Variants in OTOF observed in about 807,000 individuals in gnomAD.
OTOF encodes otoferlin, also known as fer-1-like family member 2.
Under a neutral mutation model 236.8 loss-of-function variants are expected in OTOF, and 218 were observed. The ratio of observed to expected loss-of-function variants is 0.92; its 90% confidence interval spans 0.82 to 1.03. OTOF has a LOEUF of 1.03. Among genes scored for constraint, OTOF ranks in the 50% least tolerant of loss-of-function variants. The probability of loss-of-function intolerance (pLI) is 0.00; values close to 1 mark genes in which losing one functional copy is unlikely to be tolerated. For synonymous variants in OTOF, 1,041 were observed against 1,072.5 expected, an observed-to-expected ratio of 0.97 and a Z score of 0.57; for missense variants, 2,590 against 2,694.4, an observed-to-expected ratio of 0.96 and a Z score of 0.86.
At position 26,501,765 on chromosome 2, in the gene OTOF, T is replaced by C; in HGVS notation, c.754A>G (p.Met252Val). The C allele has an allele frequency of 6.2e-7, 1 of 1,613,594 alleles. No individual in the cohort carries two copies. The highest frequency in any genetic ancestry group is 8.5e-7 in the Non-Finnish European group (1 of 1,179,514). Residue 252 changes from methionine (M) to valine (V), a missense_variant, in exon 8 of 47, where the codon ATG becomes GTG. Met to Val is a conservative substitution (Grantham distance 21). This residue lies in a region of OTOF where 1,379 missense variants were observed against 1,341.6 expected (regional missense o/e 1.03). Coordinates refer to ENST00000272371, the MANE Select transcript of OTOF (RefSeq NM_194248.3). ...IKMEPSAGRP[M>V]DYQVSITVIE... The stretch of plus-strand genomic sequence containing the variant: ...AGGTGCCCACCTACCTGGTAATCCA[T>C]GGGCCGCCCAGCACTTGGCTCCATC...
chr2:26,537,285 C>T (rs746316752), intron 2 of OTOF, among the ~76,000 whole-genome samples: 14 of 152,074 alleles, frequency 9.2e-5, no homozygotes, highest in Non-Finnish European at 1.5e-4. Flanking sequence ...CCTCAGTGCC[C>T]GGGGCTGCCC....
At chr2:26,464,827 C>G in intron 39 of OTOF, 42 bp downstream of exon 39, 1 of 1,585,158 alleles carries the variant, frequency 6.3e-7, no homozygotes, top group South Asian at 1.2e-5. Context: ...CTCTGAAACC[C>G]CCTGGAGAGG....
At chr2:26,550,747 C>T (rs987830406) in intron 1 of OTOF, among the ~76,000 whole-genome samples, 9 of 152,202 alleles carry the variant, frequency 5.9e-5, no homozygotes, top group Non-Finnish European at 4.4e-5. Flanking sequence ...CTCAGCCCTC[C>T]GCCTGCCCCG....
chr2:26,474,423 C>A (rs1457576428), intron 26 of OTOF, 90 bp downstream of exon 26: 27 of 1,082,848 alleles, frequency 2.5e-5, no homozygotes, highest in Non-Finnish European at 2.8e-5. Context: ...AGACCCCAGG[C>A]CCCAGCCTTC....
At chr2:26,558,342 A>C (rs1303839496) in intron 1 of OTOF, 151 bp downstream of exon 1, 2 of 700,630 alleles carry the variant, frequency 2.9e-6, no homozygotes, top group Non-Finnish European at 5.3e-6. Context: ...TCCCAGGCAG[A>C]TGACTACCTG....
intron 5 of OTOF, among the ~76,000 whole-genome samples, chr2:26,512,836 C>A (rs1040565460): frequency 1.3e-5 from 2 of 152,154 alleles, no homozygotes; most frequent in African/African-American, 2.4e-5. Flanking sequence ...ACATGCCAGG[C>A]ACAGGGGTGG....
chr2:26,519,561 A>G (rs1444559933), intron 3 of OTOF, among the ~76,000 whole-genome samples: 1 of 152,140 alleles, frequency 6.6e-6, no homozygotes, highest in East Asian at 1.9e-4. Flanking sequence ...TCCATTCCAC[A>G]TCTGCAGCCT....
At position 26,464,003 on chromosome 2, in the gene OTOF, C is replaced by T. The variant is rs1664607305; in HGVS notation, c.5064G>A (p.Thr1688=). The change falls in exon 40 of 47, where the codon ACG becomes ACA. Residue 1688 remains threonine, a synonymous_variant. Transcript: ENST00000272371. Reference sequence around the variant, plus strand: ...GCTTGTCGGGGTTGAGCAGCGGCCTCGTCTCCACATGCTCTGGCACCAGGC... The same window carrying T: ...GCTTGTCGGGGTTGAGCAGCGGCCTTGTCTCCACATGCTCTGGCACCAGGC... ...GCRLVPEHVE[T]RPLLNPDKPG... The T allele has an allele frequency of 2.5e-6, 4 of 1,613,806 alleles. No individual in the cohort carries two copies. The highest frequency in any genetic ancestry group is 3.4e-6 in the Non-Finnish European group (4 of 1,180,036).
intron 5 of OTOF, among the ~76,000 whole-genome samples, chr2:26,513,710 G>A (rs1387067918): frequency 6.6e-6 from 1 of 152,230 alleles, no homozygotes; most frequent in Non-Finnish European, 1.5e-5. Flanking sequence ...CTTCCCAGGA[G>A]AGGATGGAGG....
chr2:26,489,475 G>A (rs1001109075), intron 10 of OTOF, among the ~76,000 whole-genome samples, 180 bp from the exon 11 acceptor site: 3 of 152,204 alleles, frequency 2.0e-5, no homozygotes, highest in Non-Finnish European at 2.9e-5. Flanking sequence ...CACTGTTTAC[G>A]GGCGAATGCA....
chr2:26,525,379 C>A (rs748801326), intron 3 of OTOF, among the ~76,000 whole-genome samples: 3 of 152,202 alleles, frequency 2.0e-5, no homozygotes, highest in Non-Finnish European at 4.4e-5. Context: ...TCACCCTCTC[C>A]CAGTGGCAAG....
intron 8 of OTOF, among the ~76,000 whole-genome samples, chr2:26,498,393 G>A (rs564080274): frequency 6.6e-6 from 1 of 152,330 alleles, no homozygotes; most frequent in South Asian, 2.1e-4. Flanking sequence ...GTTGGGGGAA[G>A]GGGAATGCCA....
chr2:26,480,959 G>A lies in OTOF; in HGVS notation c.1630C>T (p.Arg544Cys), dbSNP rs139954767. ...TGCTCATCCAGCAGCGTGTAGTTAC[G>A]TGTGGAGCCGTACATGTTCACCCAG... ...PAWVNMYGST[R>C]NYTLLDEHQD... The change falls in exon 15 of 47, where the codon CGT (arginine) becomes TGT (cysteine). Residue 544 changes from arginine to cysteine, a missense_variant. Physicochemically the swap from Arg to Cys is radical, Grantham distance 180. Around this residue, in one of 2 missense-constraint regions of OTOF, gnomAD observed 1,379 missense variants for 1,341.6 expected, o/e 1.03. Coordinates refer to ENST00000272371, the MANE Select transcript of OTOF (RefSeq NM_194248.3). The A allele has an allele frequency of 7.5e-4, 1,206 of 1,609,512 alleles. 2 individuals are homozygous for A. Among genetic ancestry groups the A allele is most frequent in the Non-Finnish European group, 8.4e-4 (993 of 1,178,602 alleles).
At chr2:26,551,769 G>A (rs1234471219) in intron 1 of OTOF, among the ~76,000 whole-genome samples, 1 of 152,198 alleles carries the variant, frequency 6.6e-6, no homozygotes, top group South Asian at 2.1e-4. Flanking sequence ...TGACATTGAT[G>A]AGACAATTAG....
chr2:26,548,034 T>C (rs1198176061), intron 1 of OTOF, among the ~76,000 whole-genome samples: 2 of 152,220 alleles, frequency 1.3e-5, no homozygotes, highest in Non-Finnish European at 2.9e-5. Context: ...TTTCAAAAGA[T>C]TTATTCATTT....
Position 26,467,171 on chromosome 2 carries a change from G to C in OTOF, c.4290C>G (p.Asn1430Lys). The C allele has an allele frequency of 1.2e-6, 2 of 1,614,160 alleles. No homozygotes were observed. Among genetic ancestry groups the C allele is most frequent in the Non-Finnish European group, 1.7e-6 (2 of 1,180,016 alleles). ...DNFEDWLHTF[N>K]LLRGKTGDDE... ...CATCCCCGGTCTTGCCCCGAAGCAA[G>C]TTGAAAGTGTGCAGCCAGTCCTCAA... is the stretch of plus-strand genomic sequence containing the variant. The change falls in exon 35 of 47, where the codon AAC becomes AAG. Residue 1430 changes from asparagine (N) to lysine (K), a missense_variant. Asn to Lys is a moderately conservative substitution (Grantham distance 94, BLOSUM62 0). Around this residue, in one of 2 missense-constraint regions of OTOF, gnomAD observed 1,211 missense variants for 1,352.8 expected, o/e 0.90. Transcript: ENST00000272371.
rs1666184643 is a variant in OTOF at position 26,503,950 on chromosome 2, A to G, written c.510-105T>C. 2.9e-6 allele frequency: 3 copies of G among 1,020,664 alleles called. No individual in the cohort carries two copies. The Admixed American group carries it at 5.3e-5, about 18-fold the overall frequency. The allele number at this position is 1,020,664 out of a possible 1,614,324, so 63.2% of individuals were successfully genotyped here. On this transcript the variant is annotated intron_variant, in intron 5 of 46. Coordinates refer to ENST00000272371, the MANE Select transcript of OTOF (RefSeq NM_194248.3). ...TGAGAGAACACATCAGAGAAGGGAG[A>G]TGGACCCGGCCCCTCACCTACTGGT...
At chr2:26,499,004 G>A (rs116683155) in intron 8 of OTOF, among the ~76,000 whole-genome samples, 2,206 of 152,256 alleles carry the variant, frequency 0.014, 33 homozygotes, top group South Asian at 0.048. Context: ...AGTTGAGGCT[G>A]GGGACCTCAG....
chr2:26,524,751 T>C (rs1179949290), intron 3 of OTOF, among the ~76,000 whole-genome samples: 2 of 152,104 alleles, frequency 1.3e-5, no homozygotes, highest in African/African-American at 4.8e-5. Context: ...TTTCTGGGAG[T>C]TGGATTAGGA....
Sources: allele counts gnomAD v4.1 joint callset (sites outside exome capture counted in the v4.1 genomes callset), GRCh38; gene constraint gnomAD v4.1.1; regional missense constraint gnomAD v4.1.1; transcripts MANE v1.5; gene names NCBI Gene and HGNC (gene_info 2026-07-23, HGNC 2026-07-21).